The following ZNF804B variants were observed in gnomAD, a reference collection of about 807,000 sequenced individuals.
ZNF804B encodes the protein zinc finger protein 804B.
ZNF804B carries 80 observed loss-of-function variants against 101.4 expected under a neutral mutation model. The observed-to-expected ratio is 0.79, with a 90% CI of 0.66 to 0.95. The LOEUF is 0.95. Among genes scored for constraint, ZNF804B ranks in the 40% least tolerant of loss-of-function variants. ZNF804B has a pLI of 0.00. For synonymous variants in ZNF804B, 622 were observed against 558.8 expected (o/e 1.11, Z -1.59); for missense variants, 1,673 against 1,561.9 (o/e 1.07, Z -1.20).
intron 1 of ZNF804B, among the ~76,000 whole-genome samples, chr7:88,819,856 A>T (rs912584058): frequency 3.9e-5 from 6 of 152,160 alleles, no homozygotes; most frequent in African/African-American, 1.2e-4. Context: ...TTTATTGAAG[A>T]TTCCTCAAAA....
intron 1 of ZNF804B, among the ~76,000 whole-genome samples, chr7:88,761,531 C>T (rs1345656072): frequency 6.6e-6 from 1 of 152,196 alleles, no homozygotes; most frequent in African/African-American, 2.4e-5. Flanking sequence ...TGTTTAACAA[C>T]TCACAGTGCC....
At position 88,949,709 on chromosome 7, in the gene ZNF804B, C is replaced by T. The variant is rs116747573; in HGVS notation, c.108+189625C>T. Among the ~76,000 whole-genome samples the T allele has an allele frequency of 8.4e-3, 1,274 of 151,866 alleles. 18 individuals carry two copies. Among genetic ancestry groups the T allele is most frequent in the African/African-American group, 0.029 (1,183 of 41,474 alleles). On this transcript the variant is annotated intron_variant, in intron 1 of 3. Transcript: ENST00000333190. ...TTGTTTGTAATACAGTCATGTGCTGCGTAAAGATGTTTTCATCAACCACAT... is the reference window on the plus strand; with the variant it reads ...TTGTTTGTAATACAGTCATGTGCTGTGTAAAGATGTTTTCATCAACCACAT...
chr7:89,179,846 C>T (rs1464797979), intron 1 of ZNF804B, among the ~76,000 whole-genome samples: 1 of 152,124 alleles, frequency 6.6e-6, no homozygotes, highest in Non-Finnish European at 1.5e-5. Context: ...TCTCTGCAGC[C>T]ACATCTGCAT....
At chr7:88,827,343 A>G (rs2115773736) in intron 1 of ZNF804B, among the ~76,000 whole-genome samples, 1 of 151,894 alleles carries the variant, frequency 6.6e-6, no homozygotes, top group Admixed American at 6.6e-5. Flanking sequence ...ATTCTGATCT[A>G]TGCTATCTTG....
At chr7:89,142,478 G>T (rs1790731479) in intron 1 of ZNF804B, among the ~76,000 whole-genome samples, 1 of 151,956 alleles carries the variant, frequency 6.6e-6, no homozygotes, top group African/African-American at 2.4e-5. Context: ...ATGTGGTTTT[G>T]CTTCAAGTGA....
At chr7:88,819,420 C>A (rs552265527) in intron 1 of ZNF804B, among the ~76,000 whole-genome samples, 2 of 152,058 alleles carry the variant, frequency 1.3e-5, no homozygotes, top group African/African-American at 2.4e-5. Flanking sequence ...TGTGAGCCAC[C>A]GTGCCTGGCC....
intron 1 of ZNF804B, among the ~76,000 whole-genome samples, chr7:89,195,849 G>C (rs1245439991): frequency 6.6e-6 from 1 of 150,384 alleles, no homozygotes; most frequent in African/African-American, 2.5e-5. Flanking sequence ...ATTTACAAGA[G>C]AAGTGAAGGA....
intron 1 of ZNF804B, among the ~76,000 whole-genome samples, chr7:88,948,261 G>A (rs181121968): frequency 3.7e-4 from 55 of 150,002 alleles, no homozygotes; most frequent in Non-Finnish European, 4.1e-4. Context: ...TAGAGACAAG[G>A]TCGCCTCAGC....
chr7:89,302,729 A>T (rs1176078157), intron 2 of ZNF804B, among the ~76,000 whole-genome samples: 1 of 151,898 alleles, frequency 6.6e-6, no homozygotes, highest in East Asian at 1.9e-4. Flanking sequence ...GTTTTAGTAG[A>T]TTTTGTTACT....
chr7:88,982,443 C>CTTG (rs1562850549), intron 1 of ZNF804B, among the ~76,000 whole-genome samples: 2 of 152,012 alleles, frequency 1.3e-5, no homozygotes, highest in African/African-American at 4.8e-5. Context: ...TTTATTTTCT[C>CTTG]AATGCTTCTT....
At chr7:88,978,127 A>G (rs1246067112) in intron 1 of ZNF804B, among the ~76,000 whole-genome samples, 1 of 151,736 alleles carries the variant, frequency 6.6e-6, no homozygotes. Context: ...TTAAATGTTA[A>G]AGCCTTTTTT....
At chr7:89,127,621 C>T (rs990043346) in intron 1 of ZNF804B, among the ~76,000 whole-genome samples, 4 of 151,676 alleles carry the variant, frequency 2.6e-5, no homozygotes, top group African/African-American at 7.3e-5. Context: ...AATGTAAGCG[C>T]AGATAACATA....
At chr7:89,105,081 G>T (rs1790115905) in intron 1 of ZNF804B, among the ~76,000 whole-genome samples, 1 of 152,040 alleles carries the variant, frequency 6.6e-6, no homozygotes, top group Non-Finnish European at 1.5e-5. Context: ...ATGGTTACTT[G>T]GTTTTGCCCT....
intron 2 of ZNF804B, among the ~76,000 whole-genome samples, chr7:89,325,943 A>G (rs1196788972): frequency 6.6e-6 from 1 of 152,000 alleles, no homozygotes; most frequent in Non-Finnish European, 1.5e-5. Flanking sequence ...ATAGGCTTTC[A>G]AGTACATAGG....
At chr7:89,183,123 A>C (rs1167022905) in intron 1 of ZNF804B, among the ~76,000 whole-genome samples, 1 of 152,162 alleles carries the variant, frequency 6.6e-6, no homozygotes, top group East Asian at 1.9e-4. Context: ...GCTAAAATAT[A>C]AACATGTGGC....
At chr7:89,197,960 A>G (rs1202386553) in intron 1 of ZNF804B, among the ~76,000 whole-genome samples, 2 of 151,864 alleles carry the variant, frequency 1.3e-5, no homozygotes, top group Non-Finnish European at 2.9e-5. Context: ...CCTTATTAGT[A>G]TGTTTCCACA....
intron 1 of ZNF804B, among the ~76,000 whole-genome samples, chr7:89,007,338 A>C (rs2116184431): frequency 6.7e-6 from 1 of 150,136 alleles, no homozygotes; most frequent in Admixed American, 6.7e-5. Flanking sequence ...GTTTCTATTT[A>C]ATCCAGCTCA....
chr7:89,219,875 GTA>G lies in ZNF804B; in HGVS notation c.249+1584_249+1585del, dbSNP rs1456204322. ...ATATGTATATATGTGTGTATATGTAGTATATGTGTGTATATATGTATATATGT... is the reference window on the plus strand; with the variant it reads ...ATATGTATATATGTGTGTATATGTAGTATGTGTGTATATATGTATATATGT... On this transcript the variant is annotated intron_variant, in intron 2 of 3. Transcript: ENST00000333190. Among the ~76,000 whole-genome samples, 13 of 99,102 alleles carry G rather than the reference GTA, an allele frequency of 1.3e-4. 1 individual carries two copies. Among genetic ancestry groups the G allele is most frequent in the African/African-American group, 3.6e-4 (10 of 27,592 alleles). The allele number at this position is 99,102 out of a possible 152,430, so 65.0% of individuals were successfully genotyped here.
intron 1 of ZNF804B, among the ~76,000 whole-genome samples, chr7:89,058,115 T>C: frequency 6.6e-6 from 1 of 152,120 alleles, no homozygotes; most frequent in East Asian, 1.9e-4. Flanking sequence ...ATTACACTCC[T>C]CTGGATGCTT....
Sources: gnomAD v4.1 joint callset for allele counts (sites outside exome capture counted in the v4.1 genomes callset) on GRCh38, gnomAD v4.1.1 for gene constraint, MANE v1.5 for transcripts, NCBI Gene and HGNC (gene_info 2026-07-23, HGNC 2026-07-21) for gene names.